DNAJC13: variants seen among roughly 807,000 people sequenced by gnomAD.
The protein encoded by DNAJC13 is DnaJ heat shock protein family (Hsp40) member C13.
A neutral mutation model predicts 290.5 loss-of-function variants in DNAJC13; 75 were observed. The observed-to-expected ratio is 0.26, with a 90% confidence interval of 0.21 to 0.31. The LOEUF is 0.31. Ranked by LOEUF, DNAJC13 falls within the 10% of genes least tolerant of loss-of-function variation. DNAJC13 has a pLI of 1.00. For missense variants in DNAJC13, 2,260 were observed against 2,674.5 expected, an observed-to-expected ratio of 0.85 and a Z score of 3.42; for synonymous variants, 862 against 892.0, an observed-to-expected ratio of 0.97 and a Z score of 0.60.
chr3:132,482,271 A>G lies in DNAJC13; in HGVS notation c.2920A>G (p.Lys974Glu), dbSNP rs775712518. 1 of 1,613,808 alleles carries G rather than the reference A, an allele frequency of 6.2e-7. No individual in the cohort carries two copies. The highest frequency in any genetic ancestry group is 8.5e-7 in the Non-Finnish European group (1 of 1,179,802). Reference sequence around the variant, plus strand: ...TCCAGATATGAAAAGAGAGAGTGAAAAGGAATGGTATTTTGGCAACGCAGA... The same window carrying G: ...TCCAGATATGAAAAGAGAGAGTGAAGAGGAATGGTATTTTGGCAACGCAGA... The part of the protein sequence containing the change: ...AAPDMKRESE[K>E]EWYFGNADKE... Residue 974 changes from lysine (K) to glutamate (E), a missense_variant, in exon 27 of 56, where the codon AAG (lysine) becomes GAG (glutamate). Physicochemically the swap from Lys to Glu is moderately conservative, Grantham distance 56. This residue lies in a region of DNAJC13 where 1,494 missense variants were observed against 1,693.7 expected (regional missense o/e 0.88). Coordinates refer to ENST00000260818, the MANE Select transcript of DNAJC13 (RefSeq NM_015268.4).
chr3:132,456,692 G>T lies in DNAJC13; in HGVS notation c.1209G>T (p.Leu403=). The T allele has an allele frequency of 1.2e-6, 2 of 1,613,844 alleles. No individual in the cohort carries two copies. The highest frequency in any genetic ancestry group is 1.7e-5 in the Admixed American group (1 of 59,982). The change falls in exon 12 of 56, where the codon CTG becomes CTT. Residue 403 remains leucine, a synonymous_variant. Coordinates refer to ENST00000260818, the MANE Select transcript of DNAJC13 (RefSeq NM_015268.4). ...TCTTCTCAGAAAACAAAGAAAAACT[G>T]ATCAATAATGCCATAACAGCATTAC... ...DGLFSENKEK[L]INNAITALLS... is the part of the protein sequence containing the mutation.
At chr3:132,473,348 G>C in intron 21 of DNAJC13, 121 bp downstream of exon 21, 2 of 663,658 alleles carry the variant, frequency 3.0e-6, no homozygotes, top group Admixed American at 3.2e-5. Context: ...ATGCCATCAA[G>C]TTCAGGAACT....
chr3:132,454,515 T>C (rs901458174), intron 9 of DNAJC13, among the ~76,000 whole-genome samples: 2 of 151,744 alleles, frequency 1.3e-5, no homozygotes, highest in Non-Finnish European at 2.9e-5. Context: ...TTTTTTTGTA[T>C]TTTTAGTAGA....
chr3:132,454,059 T>C lies in DNAJC13; in HGVS notation c.841-7T>C, dbSNP rs1358767965. On this transcript the variant is annotated splice_region_variant and splice_polypyrimidine_tract_variant and intron_variant, in intron 8 of 55. Coordinates refer to ENST00000260818, the MANE Select transcript of DNAJC13 (RefSeq NM_015268.4). The stretch of plus-strand genomic sequence containing the variant: ...TTTGTTGAAGCTATTTTTTGTTTTT[T>C]CATTAGGTATTTGCGTTGGTCTGTG... 1.3e-6 allele frequency: 2 copies of C among 1,577,990 alleles called. No individual in the cohort carries two copies. The highest frequency in any genetic ancestry group is 2.3e-5 in the East Asian group (1 of 44,288).
At chr3:132,527,648 G>A (rs1449133473) in intron 53 of DNAJC13, among the ~76,000 whole-genome samples, 1 of 152,158 alleles carries the variant, frequency 6.6e-6, no homozygotes, top group African/African-American at 2.4e-5. Flanking sequence ...GAAAAAAGAG[G>A]TGCATTCACT....
intron 6 of DNAJC13, among the ~76,000 whole-genome samples, chr3:132,451,078 A>C (rs970476590): frequency 6.6e-6 from 1 of 152,178 alleles, no homozygotes; most frequent in Non-Finnish European, 1.5e-5. Context: ...CTTTACACAC[A>C]ATGGATGGCT....
rs1934534414 is a variant in DNAJC13 at position 132,478,110 on chromosome 3, T to C, written c.2679T>C (p.Asp893=). Reference sequence around the variant, plus strand: ...ACGAAGAAATAGGACCTTTTACAGATACCAGATATATCATTGGAATGTTAG... The same window carrying C: ...ACGAAGAAATAGGACCTTTTACAGACACCAGATATATCATTGGAATGTTAG... ...RCHEEIGPFT[D]TRYIIGMLER... is the part of the protein sequence containing the mutation. The change falls in exon 24 of 56, where the codon GAT becomes GAC. Residue 893 remains aspartate (D), a synonymous_variant. Transcript: ENST00000260818. 4 of 1,611,634 alleles carry C rather than the reference T, an allele frequency of 2.5e-6. No homozygotes were observed. Among genetic ancestry groups the C allele is most frequent in the Non-Finnish European group, 3.4e-6 (4 of 1,179,292 alleles).
At chr3:132,427,134 T>TA (rs34351441) in intron 1 of DNAJC13, among the ~76,000 whole-genome samples, 11,514 of 115,044 alleles carry the variant, frequency 0.1, 604 homozygotes, top group African/African-American at 0.16. Context: ...TATATATATA[T>TA]TTTTTTTTTT....
rs1361902304 is a variant in DNAJC13, at chr3:132,496,602, T to C, written c.4095T>C (p.Asp1365=). ...TKSAKIVDGP[D]PENIILILKT... is the part of the protein sequence containing the mutation. Reference sequence around the variant, plus strand: ...CAGCAAAAATAGTGGATGGGCCAGATCCAGAGAATATAATTTTAATTCTAA... The same window carrying C: ...CAGCAAAAATAGTGGATGGGCCAGACCCAGAGAATATAATTTTAATTCTAA... Residue 1365 remains aspartate (D), a synonymous_variant, in exon 36 of 56, where the codon GAT becomes GAC. Transcript: ENST00000260818. The C allele has an allele frequency of 6.2e-7, 1 of 1,611,676 alleles. No homozygotes were observed. The highest frequency in any genetic ancestry group is 2.2e-5 in the East Asian group (1 of 44,698).
intron 2 of DNAJC13, among the ~76,000 whole-genome samples, chr3:132,442,444 G>A (rs774706838): frequency 2.0e-5 from 3 of 152,118 alleles, no homozygotes; most frequent in Admixed American, 6.5e-5. Flanking sequence ...AAAAATATAA[G>A]CATCACCTTA....
At chr3:132,433,250 G>C (rs1331533807) in intron 1 of DNAJC13, among the ~76,000 whole-genome samples, 1 of 152,134 alleles carries the variant, frequency 6.6e-6, no homozygotes, top group African/African-American at 2.4e-5. Flanking sequence ...TCTATTTTTA[G>C]AAACAGAATC....
At chr3:132,454,040 G>T (rs1933505923) in intron 8 of DNAJC13, 26 bp from the exon 9 acceptor site, 1 of 1,517,752 alleles carries the variant, frequency 6.6e-7, no homozygotes, top group Non-Finnish European at 8.9e-7. Flanking sequence ...TTTTTTTGTT[G>T]AAGCTATTTT....
chr3:132,438,589 T>C (rs898541851), intron 2 of DNAJC13, among the ~76,000 whole-genome samples: 5 of 152,326 alleles, frequency 3.3e-5, no homozygotes, highest in East Asian at 1.9e-4. Flanking sequence ...AAAGATTTTA[T>C]TGATTGTGGA....
intron 42 of DNAJC13, among the ~76,000 whole-genome samples, chr3:132,506,783 C>A (rs1315479984): frequency 1.3e-5 from 2 of 151,866 alleles, no homozygotes; most frequent in Admixed American, 6.6e-5. Context: ...ATCTCTTGAC[C>A]TCATGATCCA....
intron 52 of DNAJC13, 37 bp downstream of exon 52, chr3:132,525,826 G>C: frequency 4.4e-6 from 7 of 1,592,040 alleles, no homozygotes; most frequent in Non-Finnish European, 6.0e-6. Flanking sequence ...ATAAGCTCCA[G>C]AATTTATCTA....
rs1939332228 is a variant in DNAJC13, at chr3:132,434,635, G to A, written c.68+17G>A. On this transcript the variant is annotated intron_variant, in intron 2 of 55. Coordinates refer to ENST00000260818, the MANE Select transcript of DNAJC13 (RefSeq NM_015268.4). Reference sequence around the variant, plus strand: ...GAGGGGGAAGTAAGTATTCTTGTTGGGTTTTTTTTTCTGTGCTTCTATAAA... The same window carrying A: ...GAGGGGGAAGTAAGTATTCTTGTTGAGTTTTTTTTTCTGTGCTTCTATAAA... 1 of 1,584,132 alleles carries A rather than the reference G, an allele frequency of 6.3e-7. No homozygotes were observed. Among genetic ancestry groups the A allele is most frequent in the African/African-American group, 1.4e-5 (1 of 72,934 alleles).
chr3:132,475,603 T>C (rs1934445866), intron 22 of DNAJC13, among the ~76,000 whole-genome samples: 1 of 152,238 alleles, frequency 6.6e-6, no homozygotes, highest in Non-Finnish European at 1.5e-5. Context: ...CAATTTAAAC[T>C]ATTATAGCTT....
chr3:132,488,440 T>C lies in DNAJC13; in HGVS notation c.3410T>C (p.Leu1137Pro). 6.2e-7 allele frequency: 1 copy of C among 1,610,190 alleles called. No individual in the cohort carries two copies. The highest frequency in any genetic ancestry group is 8.5e-7 in the Non-Finnish European group (1 of 1,178,520). ...ATGATGTACACAGGTTCCAATGTGCTTCCTGTTGCTCGGTAAGAACTTTAA... is the reference window on the plus strand; with the variant it reads ...ATGATGTACACAGGTTCCAATGTGCCTCCTGTTGCTCGGTAAGAACTTTAA... ...FIMMYTGSNV[L>P]PVARFLKYTH... Residue 1137 changes from leucine (L) to proline (P), a missense_variant, in exon 30 of 56, where the codon CTT becomes CCT. By Grantham distance (98) the Leu-to-Pro change is moderately conservative. This residue lies in a region of DNAJC13 where 1,494 missense variants were observed against 1,693.7 expected (regional missense o/e 0.88). Transcript: ENST00000260818.
intron 6 of DNAJC13, 23 bp from the exon 7 acceptor site, chr3:132,453,275 T>G (rs772983222): frequency 6.2e-7 from 1 of 1,607,064 alleles, no homozygotes; most frequent in Admixed American, 1.7e-5. Flanking sequence ...ACTCTGACTT[T>G]TTAAATTTCT....
Sources: allele counts gnomAD v4.1 joint callset (sites outside exome capture counted in the v4.1 genomes callset), GRCh38; gene constraint gnomAD v4.1.1; regional missense constraint gnomAD v4.1.1; transcripts MANE v1.5; gene names NCBI Gene and HGNC (gene_info 2026-07-23, HGNC 2026-07-21).